Variants in PRKCB observed in about 807,000 individuals in gnomAD.
PRKCB encodes protein kinase C beta type.
PRKCB carries 13 observed loss-of-function variants against 81.5 expected under a neutral mutation model. That is an observed-to-expected ratio of 0.16 (90% CI 0.10 to 0.25). PRKCB has a LOEUF of 0.25. PRKCB is among the 10% of genes least tolerant of loss of function. PRKCB has a pLI of 1.00. For missense variants in PRKCB, 509 were observed against 875.7 expected (o/e 0.58, Z 5.29); for synonymous variants, 335 against 321.4 (o/e 1.04, Z -0.45).
At chr16:24,183,502 A>T (rs1967658959) in intron 13 of PRKCB, among the ~76,000 whole-genome samples, 6 of 152,182 alleles carry the variant, frequency 3.9e-5, no homozygotes, top group Admixed American at 3.9e-4. Context: ...CTGATTTTGG[A>T]ATAGAAATCA....
intron 2 of PRKCB, among the ~76,000 whole-genome samples, chr16:23,978,688 A>T (rs1004308237): frequency 1.3e-5 from 2 of 152,128 alleles, no homozygotes; most frequent in Non-Finnish European, 2.9e-5. Context: ...GGTGGGGTAT[A>T]CTGTGGGTAG....
chr16:23,864,733 G>GT (rs11321325), intron 2 of PRKCB, among the ~76,000 whole-genome samples: 5,108 of 151,622 alleles, frequency 0.034, 108 homozygotes, highest in South Asian at 0.064. Context: ...TTCTTTTTTT[G>GT]TTTTTTTTAA....
At chr16:24,207,519 T>C (rs1968064478) in intron 16 of PRKCB, among the ~76,000 whole-genome samples, 1 of 152,234 alleles carries the variant, frequency 6.6e-6, no homozygotes, top group Non-Finnish European at 1.5e-5. Flanking sequence ...AATGGGAAGA[T>C]ATTGTACACA....
At chr16:24,180,961 G>T (rs746567303) in intron 13 of PRKCB, 33 bp downstream of exon 13, 7 of 1,609,520 alleles carry the variant, frequency 4.3e-6, no homozygotes. Flanking sequence ...TCACATTGCG[G>T]TGATGTACCC....
At chr16:23,838,572 A>G (rs2141072343) in intron 2 of PRKCB, among the ~76,000 whole-genome samples, 1 of 152,334 alleles carries the variant, frequency 6.6e-6, no homozygotes, top group African/African-American at 2.4e-5. Flanking sequence ...CACCCTGGTG[A>G]GCTGGGTTTA....
chr16:24,134,240 C>T (rs939432556), intron 9 of PRKCB, among the ~76,000 whole-genome samples: 3 of 152,094 alleles, frequency 2.0e-5, no homozygotes, highest in African/African-American at 7.2e-5. Context: ...TTTCTTTCTT[C>T]CTTCCTTCCC....
intron 3 of PRKCB, among the ~76,000 whole-genome samples, chr16:24,020,843 G>A (rs1394129166): frequency 1.3e-5 from 2 of 152,116 alleles, no homozygotes; most frequent in Non-Finnish European, 2.9e-5. Flanking sequence ...TATGGATGCT[G>A]TTAGCTTGTG....
intron 2 of PRKCB, among the ~76,000 whole-genome samples, chr16:23,855,497 G>A (rs968656170): frequency 6.6e-6 from 1 of 152,182 alleles, no homozygotes; most frequent in African/African-American, 2.4e-5. Context: ...CTTATTAAAT[G>A]TTAGTTATAG....
intron 2 of PRKCB, among the ~76,000 whole-genome samples, chr16:23,974,375 C>T (rs1964598305): frequency 6.6e-6 from 1 of 152,090 alleles, no homozygotes; most frequent in Non-Finnish European, 1.5e-5. Context: ...CAAGATGCTT[C>T]AGTGAGAGAG....
chr16:24,116,912 A>G (rs1966742580), intron 8 of PRKCB, among the ~76,000 whole-genome samples: 1 of 152,190 alleles, frequency 6.6e-6, no homozygotes, highest in Non-Finnish European at 1.5e-5. Flanking sequence ...ACCAAGGAAA[A>G]GATTTGCTAC....
intron 13 of PRKCB, among the ~76,000 whole-genome samples, chr16:24,182,485 C>T (rs563807677): frequency 3.9e-5 from 6 of 152,190 alleles, no homozygotes; most frequent in Admixed American, 3.9e-4. Context: ...CATGCCACTG[C>T]ACCCCACCCT....
chr16:23,993,397 T>C (rs1477410847), intron 3 of PRKCB, among the ~76,000 whole-genome samples: 1 of 152,148 alleles, frequency 6.6e-6, no homozygotes, highest in Admixed American at 6.5e-5. Context: ...TGGCCTATCA[T>C]GAGTGAGTTG....
intron 2 of PRKCB, among the ~76,000 whole-genome samples, chr16:23,896,236 T>C (rs1336329952): frequency 6.6e-6 from 1 of 152,234 alleles, no homozygotes; most frequent in Non-Finnish European, 1.5e-5. Context: ...CATTATTTCA[T>C]GCAATTCAAG....
At chr16:24,106,868 T>C (rs570626606) in intron 7 of PRKCB, among the ~76,000 whole-genome samples, 2 of 152,322 alleles carry the variant, frequency 1.3e-5, no homozygotes, top group Admixed American at 6.5e-5. Flanking sequence ...GTAAGAACTT[T>C]TTATATGAGA....
intron 5 of PRKCB, among the ~76,000 whole-genome samples, chr16:24,081,998 AC>A (rs1178188563): frequency 6.6e-6 from 1 of 152,230 alleles, no homozygotes; most frequent in Non-Finnish European, 1.5e-5. Flanking sequence ...CCAAGAAATT[AC>A]TAGAAATAAT....
At chr16:24,067,979 G>A (rs192969412) in intron 5 of PRKCB, among the ~76,000 whole-genome samples, 51 of 151,834 alleles carry the variant, frequency 3.4e-4, no homozygotes, top group African/African-American at 1.2e-3. Flanking sequence ...AGAGAGCTGA[G>A]GAAGAGGTTA....
chr16:24,012,740 T>C (rs2141838567), intron 3 of PRKCB, among the ~76,000 whole-genome samples: 1 of 152,334 alleles, frequency 6.6e-6, no homozygotes, highest in Middle Eastern at 3.4e-3. Flanking sequence ...GCCCTTGTCA[T>C]CCTCACAAGA....
chr16:23,975,165 T>A (rs942333563), intron 2 of PRKCB, among the ~76,000 whole-genome samples: 3 of 152,232 alleles, frequency 2.0e-5, no homozygotes, highest in Non-Finnish European at 4.4e-5. Flanking sequence ...CAGTATTCAC[T>A]TAGCAAGTCA....
intron 2 of PRKCB, among the ~76,000 whole-genome samples, chr16:23,944,526 C>T (rs1011852731): frequency 6.6e-6 from 1 of 152,084 alleles, no homozygotes; most frequent in African/African-American, 2.4e-5. Flanking sequence ...TCTCCATGGC[C>T]CAAGAATCTA....
Sources: gnomAD v4.1 joint callset for allele counts (sites outside exome capture counted in the v4.1 genomes callset) on GRCh38, gnomAD v4.1.1 for gene constraint, MANE v1.5 for transcripts, NCBI Gene and HGNC (gene_info 2026-07-23, HGNC 2026-07-21) for gene names.